The following TCF7L1 variants were observed in gnomAD, a reference collection of about 807,000 sequenced individuals.
TCF7L1 encodes transcription factor 7 like 1, also known as transcription factor 7-like 1.
Under a neutral mutation model 63.7 loss-of-function variants are expected in TCF7L1, and 18 were observed. The ratio of observed to expected loss-of-function variants is 0.28; its 90% CI spans 0.20 to 0.42. The LOEUF (loss-of-function observed/expected upper bound fraction) is 0.42. TCF7L1 is among the 10% of genes least tolerant of loss of function. The pLI is 1.00. For missense variants in TCF7L1, 654 were observed against 779.3 expected (o/e 0.84, Z 1.91); for synonymous variants, 355 against 340.9 (o/e 1.04, Z -0.46).
chr2:85,166,629 C>G (rs1432199499), intron 3 of TCF7L1, among the ~76,000 whole-genome samples: 1 of 152,220 alleles, frequency 6.6e-6, no homozygotes, highest in Non-Finnish European at 1.5e-5. Context: ...TCGGACATCA[C>G]TGCTGGGCAT....
At chr2:85,194,129 A>G (rs1679097494) in intron 3 of TCF7L1, among the ~76,000 whole-genome samples, 1 of 151,702 alleles carries the variant, frequency 6.6e-6, no homozygotes, top group African/African-American at 2.4e-5. Context: ...AGAAGGGGGG[A>G]ATAAACTGAA....
At chr2:85,268,732 G>A (rs561126332) in intron 3 of TCF7L1, among the ~76,000 whole-genome samples, 21 of 150,002 alleles carry the variant, frequency 1.4e-4, no homozygotes, top group African/African-American at 3.2e-4. Flanking sequence ...GTCAGCCACC[G>A]TGCCCAGCCT....
intron 4 of TCF7L1, among the ~76,000 whole-genome samples, chr2:85,300,026 T>C (rs1681934451): frequency 6.6e-6 from 1 of 152,210 alleles, no homozygotes; most frequent in South Asian, 2.1e-4. Flanking sequence ...TTTGCATTTC[T>C]TTCTTAGAAA....
intron 3 of TCF7L1, among the ~76,000 whole-genome samples, chr2:85,224,710 A>G (rs796773834): frequency 1.3e-5 from 2 of 152,202 alleles, no homozygotes; most frequent in African/African-American, 4.8e-5. Flanking sequence ...ATAGATTGCA[A>G]AAATTTTCTC....
intron 3 of TCF7L1, among the ~76,000 whole-genome samples, chr2:85,225,278 A>G (rs1679931657): frequency 6.6e-6 from 1 of 152,190 alleles, no homozygotes; most frequent in African/African-American, 2.4e-5. Flanking sequence ...TTGGTTCCAT[A>G]TGAAATTTAA....
At chr2:85,301,744 G>A (rs1006683369) in intron 4 of TCF7L1, among the ~76,000 whole-genome samples, 7 of 152,164 alleles carry the variant, frequency 4.6e-5, no homozygotes, top group Non-Finnish European at 8.8e-5. Context: ...GGTCTAATGG[G>A]GGCAACTCTC....
At chr2:85,241,992 CT>C (rs1368699727) in intron 3 of TCF7L1, among the ~76,000 whole-genome samples, 1 of 120,648 alleles carries the variant, frequency 8.3e-6, no homozygotes, top group Non-Finnish European at 1.7e-5. Flanking sequence ...TGCTTGCTTG[CT>C]TTTTTTTTGG....
At chr2:85,176,793 C>T (rs1678686545) in intron 3 of TCF7L1, among the ~76,000 whole-genome samples, 1 of 151,960 alleles carries the variant, frequency 6.6e-6, no homozygotes, top group Admixed American at 6.6e-5. Flanking sequence ...TCAGGACCAG[C>T]CTGGCCAACA....
rs574007470 is a variant in TCF7L1 at position 85,292,231 on chromosome 2, G to A, written c.525+8653G>A. Reference sequence around the variant, plus strand: ...GAGACGGGGTTTCACCGTTTTAGCCGGGATGGTCTCGATCTCCTGACCTCG... The same window carrying A: ...GAGACGGGGTTTCACCGTTTTAGCCAGGATGGTCTCGATCTCCTGACCTCG... On this transcript the variant is annotated intron_variant, in intron 4 of 11. Coordinates refer to ENST00000282111, the MANE Select transcript of TCF7L1 (RefSeq NM_031283.3). Among the ~76,000 whole-genome samples the A allele has an allele frequency of 2.7e-4, 4 of 14,616 alleles. 2 individuals carry two copies. Among genetic ancestry groups the A allele is most frequent in the Admixed American group, 1.4e-3 (2 of 1,384 alleles). 9.6% of individuals were successfully genotyped at this position (14,616 alleles called of 152,430 possible).
intron 3 of TCF7L1, among the ~76,000 whole-genome samples, chr2:85,163,832 C>A (rs1475796499): frequency 6.6e-6 from 1 of 152,126 alleles, no homozygotes; most frequent in Non-Finnish European, 1.5e-5. Context: ...ATGTCTGTCT[C>A]TGTTCCTGCT....
At chr2:85,281,427 A>G (rs554073482) in intron 3 of TCF7L1, among the ~76,000 whole-genome samples, 7 of 152,210 alleles carry the variant, frequency 4.6e-5, no homozygotes, top group Non-Finnish European at 8.8e-5. Flanking sequence ...ACAAGTGCAA[A>G]TGTAGCACAA....
intron 3 of TCF7L1, among the ~76,000 whole-genome samples, chr2:85,237,198 A>G (rs1680211716): frequency 6.6e-6 from 1 of 151,798 alleles, no homozygotes; most frequent in African/African-American, 2.4e-5. Context: ...ATTTGTTAGA[A>G]CTCCTGGACA....
At chr2:85,194,932 A>C (rs1432694235) in intron 3 of TCF7L1, among the ~76,000 whole-genome samples, 2 of 152,246 alleles carry the variant, frequency 1.3e-5, no homozygotes, top group Non-Finnish European at 2.9e-5. Flanking sequence ...TTATTGCAAA[A>C]GGTTCAAAGC....
chr2:85,269,879 C>T (rs376704754), intron 3 of TCF7L1, among the ~76,000 whole-genome samples: 16 of 152,200 alleles, frequency 1.1e-4, no homozygotes, highest in African/African-American at 2.7e-4. Context: ...CTTCAGGCTC[C>T]TTTATCAGGA....
chr2:85,143,766 C>T (rs966293184), intron 3 of TCF7L1, among the ~76,000 whole-genome samples: 5 of 152,176 alleles, frequency 3.3e-5, no homozygotes, highest in Admixed American at 6.5e-5. Context: ...TTCAGAAATC[C>T]TGGTGTGAGT....
intron 3 of TCF7L1, among the ~76,000 whole-genome samples, chr2:85,161,301 A>G (rs1158233555): frequency 1.3e-5 from 2 of 152,244 alleles, no homozygotes; most frequent in African/African-American, 2.4e-5. Flanking sequence ...AATAAAGTCT[A>G]TGAAGTGTGA....
rs1236528303 is a variant in TCF7L1, at chr2:85,305,360, A to G, written c.946A>G (p.Lys316Glu). The G allele has an allele frequency of 4.3e-6, 7 of 1,613,124 alleles. No individual in the cohort carries two copies. The highest frequency in any genetic ancestry group is 1.7e-5 in the Admixed American group (1 of 59,904). ...PHPAIVSPIV[K>E]QEPAPPSLSP... ...CCCTGCCATCGTCTCCCCCATCGTCAAGCAGGAACCGGCACCCCCCAGCCT... is the reference window on the plus strand; with the variant it reads ...CCCTGCCATCGTCTCCCCCATCGTCGAGCAGGAACCGGCACCCCCCAGCCT... Residue 316 changes from lysine to glutamate, a missense_variant, in exon 8 of 12, where the codon AAG becomes GAG. This residue lies in a region of TCF7L1 where 404 missense variants were observed against 454.8 expected (regional missense o/e 0.89). Coordinates refer to ENST00000282111, the MANE Select transcript of TCF7L1 (RefSeq NM_031283.3).
chr2:85,161,685 T>C (rs983831266), intron 3 of TCF7L1, among the ~76,000 whole-genome samples: 1 of 152,162 alleles, frequency 6.6e-6, no homozygotes, highest in Non-Finnish European at 1.5e-5. Context: ...TGGTCCAGGG[T>C]AAAAGGATGA....
At chr2:85,149,147 G>A (rs1677947135) in intron 3 of TCF7L1, among the ~76,000 whole-genome samples, 1 of 152,022 alleles carries the variant, frequency 6.6e-6, no homozygotes, top group Admixed American at 6.5e-5. Context: ...ATAAACAAAA[G>A]CAATTAGTAT....
Sources: allele counts gnomAD v4.1 joint callset (sites outside exome capture counted in the v4.1 genomes callset), GRCh38; gene constraint gnomAD v4.1.1; regional missense constraint gnomAD v4.1.1; transcripts MANE v1.5; gene names NCBI Gene and HGNC (gene_info 2026-07-23, HGNC 2026-07-21).